SHISA6: variants seen among roughly 807,000 people sequenced by gnomAD.
The protein encoded by SHISA6 is protein shisa-6.
Under a neutral mutation model 47.9 loss-of-function variants are expected in SHISA6, and 22 were observed. The ratio of observed to expected loss-of-function variants is 0.46; its 90% CI spans 0.33 to 0.66. The LOEUF is 0.66. SHISA6 is among the 30% of genes least tolerant of loss of function. SHISA6 has a pLI of 0.02. For synonymous variants in SHISA6, 388 were observed against 337.8 expected, an observed-to-expected ratio of 1.15 and a Z score of -1.63; for missense variants, 680 against 764.6, an observed-to-expected ratio of 0.89 and a Z score of 1.30.
intron 2 of SHISA6, among the ~76,000 whole-genome samples, chr17:11,326,010 C>T: frequency 6.6e-6 from 1 of 152,218 alleles, no homozygotes; most frequent in East Asian, 1.9e-4. Context: ...GTGGCTCACG[C>T]CTGTAATCCC....
intron 2 of SHISA6, among the ~76,000 whole-genome samples, chr17:11,364,118 C>G (rs972897261): frequency 6.6e-6 from 1 of 152,110 alleles, no homozygotes; most frequent in Non-Finnish European, 1.5e-5. Flanking sequence ...ACAGGTAAAC[C>G]TAAATACTAA....
intron 3 of SHISA6, among the ~76,000 whole-genome samples, chr17:11,429,413 A>G (rs1468987771): frequency 6.6e-6 from 1 of 152,152 alleles, no homozygotes; most frequent in Non-Finnish European, 1.5e-5. Context: ...AGGGAACCAT[A>G]GGAGCCAGTT....
At chr17:11,360,308 C>G (rs1321265920) in intron 2 of SHISA6, among the ~76,000 whole-genome samples, 1 of 152,138 alleles carries the variant, frequency 6.6e-6, no homozygotes, top group African/African-American at 2.4e-5. Context: ...GCCTGTAATC[C>G]CAGCACTTTG....
intron 3 of SHISA6, among the ~76,000 whole-genome samples, chr17:11,435,417 C>T (rs1221901186): frequency 2.0e-5 from 3 of 151,950 alleles, no homozygotes; most frequent in Non-Finnish European, 4.4e-5. Flanking sequence ...AGTATCTGTA[C>T]AGTACCCAGA....
rs117146583 is a variant in SHISA6, at chr17:11,492,287, A to G, written c.896-59609A>G. Among the ~76,000 whole-genome samples the G allele has an allele frequency of 3.2e-3, 483 of 152,270 alleles. 3 individuals are homozygous for G. The highest frequency in any genetic ancestry group is 3.7e-3 in the Non-Finnish European group (255 of 68,014). On this transcript the variant is annotated intron_variant, in intron 3 of 5. Transcript: ENST00000441885. ...CCTCTTAGTGTTCAATCTAGGCTCA[A>G]TAGCATCAGTAGTTACAACAGCTTT...
At chr17:11,368,804 G>A (rs537009655) in intron 2 of SHISA6, among the ~76,000 whole-genome samples, 21 of 152,058 alleles carry the variant, frequency 1.4e-4, no homozygotes, top group East Asian at 5.8e-4. Context: ...TTATAGGTGC[G>A]TGCCACCATG....
chr17:11,544,070 C>G (rs1367662326), intron 3 of SHISA6, among the ~76,000 whole-genome samples: 1 of 147,926 alleles, frequency 6.8e-6, no homozygotes, highest in Admixed American at 6.7e-5. Context: ...AAAATTAACT[C>G]AAAATAGATC....
chr17:11,305,598 C>A (rs757034673), intron 2 of SHISA6, among the ~76,000 whole-genome samples: 1 of 152,198 alleles, frequency 6.6e-6, no homozygotes, highest in South Asian at 2.1e-4. Flanking sequence ...ATCAAGAAAT[C>A]GGAAGTTTCT....
At chr17:11,394,622 A>T (rs906734427) in intron 3 of SHISA6, among the ~76,000 whole-genome samples, 1 of 152,190 alleles carries the variant, frequency 6.6e-6, no homozygotes, top group African/African-American at 2.4e-5. Context: ...GCTTAATCGT[A>T]TATGCTATTA....
chr17:11,356,361 T>C (rs79765688), intron 2 of SHISA6, among the ~76,000 whole-genome samples: 1,544 of 152,250 alleles, frequency 0.01, 23 homozygotes, highest in African/African-American at 0.035. Context: ...AGACTCTCCA[T>C]TGGTCTCTCT....
chr17:11,509,354 A>G (rs1302375530), intron 3 of SHISA6, among the ~76,000 whole-genome samples: 17 of 152,234 alleles, frequency 1.1e-4, no homozygotes, highest in East Asian at 1.9e-4. Context: ...ATGGTCCTCT[A>G]TGCACGCAGG....
At chr17:11,276,827 C>T (rs1395213728) in intron 2 of SHISA6, among the ~76,000 whole-genome samples, 2 of 152,182 alleles carry the variant, frequency 1.3e-5, no homozygotes. Context: ...ACTCTTCATT[C>T]AGGACGACTT....
Position 11,545,819 on chromosome 17 carries a change from T to G in SHISA6, c.896-6077T>G, listed in dbSNP as rs183268072. ...TCAGCTGGGAATATCAGCCCTTTCA[T>G]GTATCCTTCTCATGTGGCCTGGATT... On this transcript the variant is annotated intron_variant, in intron 3 of 5. Coordinates refer to ENST00000441885, the MANE Select transcript of SHISA6 (RefSeq NM_207386.4). Among the ~76,000 whole-genome samples, 7 of 152,308 alleles carry G rather than the reference T, an allele frequency of 4.6e-5. No individual in the cohort carries two copies. The East Asian group carries it at 1.4e-3, about 29-fold the overall frequency.
chr17:11,334,114 G>C (rs1011665166), intron 2 of SHISA6, among the ~76,000 whole-genome samples: 1 of 152,116 alleles, frequency 6.6e-6, no homozygotes, highest in African/African-American at 2.4e-5. Flanking sequence ...ATGAAGATGG[G>C]GGTCATGGAA....
chr17:11,342,822 G>C (rs1451919616), intron 2 of SHISA6, among the ~76,000 whole-genome samples: 1 of 152,208 alleles, frequency 6.6e-6, no homozygotes, highest in East Asian at 1.9e-4. Flanking sequence ...CAGTCCTGTT[G>C]TGATGTTGGT....
intron 2 of SHISA6, among the ~76,000 whole-genome samples, chr17:11,356,212 C>T (rs1912074491): frequency 6.6e-6 from 1 of 152,194 alleles, no homozygotes; most frequent in Non-Finnish European, 1.5e-5. Context: ...GATGCAAACT[C>T]CACTGTCAGT....
chr17:11,455,661 C>T (rs894464089), intron 3 of SHISA6, among the ~76,000 whole-genome samples: 1 of 152,128 alleles, frequency 6.6e-6, no homozygotes, highest in Non-Finnish European at 1.5e-5. Flanking sequence ...AAGGTTCTCA[C>T]CCCGCTGAGC....
chr17:11,294,215 G>A (rs1164074976), intron 2 of SHISA6, among the ~76,000 whole-genome samples: 2 of 152,120 alleles, frequency 1.3e-5, no homozygotes, highest in Non-Finnish European at 2.9e-5. Context: ...AATACTGAGG[G>A]GATATCAGCT....
At chr17:11,519,988 C>T (rs2071615852) in intron 3 of SHISA6, among the ~76,000 whole-genome samples, 1 of 152,186 alleles carries the variant, frequency 6.6e-6, no homozygotes, top group South Asian at 2.1e-4. Flanking sequence ...AGGGCTTCCT[C>T]TGTTCTCTCC....
Sources: gnomAD v4.1 joint callset for allele counts (sites outside exome capture counted in the v4.1 genomes callset) on GRCh38, gnomAD v4.1.1 for gene constraint, MANE v1.5 for transcripts, NCBI Gene and HGNC (gene_info 2026-07-23, HGNC 2026-07-21) for gene names.